Variants in ARMH3 observed in about 807,000 individuals in gnomAD.
The protein encoded by ARMH3 is armadillo-like helical domain-containing protein 3.
Under a neutral mutation model 99.1 loss-of-function variants are expected in ARMH3, and 60 were observed. The observed-to-expected ratio is 0.61, with a 90% CI of 0.49 to 0.75. The LOEUF is 0.75. Ranked by LOEUF, ARMH3 falls within the 30% of genes least tolerant of loss-of-function variation. ARMH3 has a pLI of 0.00. For missense variants in ARMH3, 679 were observed against 843.1 expected (o/e 0.81, Z 2.41); for synonymous variants, 285 against 292.8 (o/e 0.97, Z 0.27).
chr10:101,879,021 G>A (rs1053350166), intron 24 of ARMH3, among the ~76,000 whole-genome samples: 2 of 152,104 alleles, frequency 1.3e-5, no homozygotes, highest in South Asian at 2.1e-4. Context: ...GTCCCCAGAC[G>A]CCTCGTCAGT....
chr10:102,038,132 T>C, intron 2 of ARMH3, among the ~76,000 whole-genome samples: 1 of 145,824 alleles, frequency 6.9e-6, no homozygotes, highest in Admixed American at 7.0e-5. Flanking sequence ...TCTCGCTCTG[T>C]CGCCCAGGCT....
At chr10:101,901,841 A>G (rs1312213675) in intron 23 of ARMH3, among the ~76,000 whole-genome samples, 3 of 152,240 alleles carry the variant, frequency 2.0e-5, no homozygotes, top group Non-Finnish European at 4.4e-5. Flanking sequence ...CAAGCTGCCC[A>G]AAGTATTGAA....
chr10:101,992,749 C>A (rs566765502), intron 17 of ARMH3, among the ~76,000 whole-genome samples: 9 of 151,918 alleles, frequency 5.9e-5, no homozygotes, highest in Admixed American at 3.3e-4. Flanking sequence ...GCCTTGGCCT[C>A]CCAAAGTGTT....
chr10:101,944,232 T>C (rs532560160), intron 22 of ARMH3, among the ~76,000 whole-genome samples: 101 of 102,524 alleles, frequency 9.9e-4, no homozygotes, highest in Non-Finnish European at 1.6e-3. Context: ...GGCAGAAGGA[T>C]TGCTTGAGCC....
chr10:101,861,507 C>G (rs1015659560), intron 24 of ARMH3, among the ~76,000 whole-genome samples: 1 of 150,810 alleles, frequency 6.6e-6, no homozygotes, highest in African/African-American at 2.4e-5. Flanking sequence ...CTGAGGCGGA[C>G]GGATCACGAG....
intron 11 of ARMH3, among the ~76,000 whole-genome samples, chr10:102,010,847 A>C (rs773714682): frequency 6.6e-6 from 1 of 152,218 alleles, no homozygotes; most frequent in Non-Finnish European, 1.5e-5. Context: ...GACTTCACTC[A>C]TTTACATTTT....
chr10:102,032,028 G>A (rs550588618), intron 4 of ARMH3, among the ~76,000 whole-genome samples: 30 of 152,210 alleles, frequency 2.0e-4, no homozygotes, highest in Non-Finnish European at 3.4e-4. Context: ...ATGAGCCACC[G>A]CGCCCAGCCC....
At chr10:102,019,665 C>T (rs944393700) in intron 8 of ARMH3, among the ~76,000 whole-genome samples, 9 of 152,092 alleles carry the variant, frequency 5.9e-5, no homozygotes, top group African/African-American at 2.2e-4. Flanking sequence ...CGGTGGCTCA[C>T]GCCTGTAATC....
intron 24 of ARMH3, among the ~76,000 whole-genome samples, chr10:101,886,189 T>C (rs538739474): frequency 6.6e-6 from 1 of 151,464 alleles, no homozygotes; most frequent in Non-Finnish European, 1.5e-5. Flanking sequence ...ATATATACCA[T>C]AAAAATACAT....
intron 22 of ARMH3, among the ~76,000 whole-genome samples, chr10:101,947,065 G>A (rs1400857625): frequency 2.6e-5 from 4 of 151,966 alleles, no homozygotes; most frequent in Non-Finnish European, 4.4e-5. Flanking sequence ...GTGGGCACTT[G>A]TAATCCCAGC....
intron 24 of ARMH3, among the ~76,000 whole-genome samples, chr10:101,852,159 C>T (rs1016433281): frequency 1.3e-5 from 2 of 152,186 alleles, no homozygotes; most frequent in African/African-American, 2.4e-5. Context: ...CTTTCCTGAG[C>T]GGTGTCAAGT....
At chr10:102,009,160 AACTTTGC>A (rs2066575099) in intron 13 of ARMH3, among the ~76,000 whole-genome samples, 1 of 152,172 alleles carries the variant, frequency 6.6e-6, no homozygotes, top group Non-Finnish European at 1.5e-5. Context: ...CAAAAAAACT[AACTTTGC>A]ACGTTATTAG....
chr10:101,868,845 G>A (rs1187166051), intron 24 of ARMH3, among the ~76,000 whole-genome samples: 1 of 152,160 alleles, frequency 6.6e-6, no homozygotes, highest in South Asian at 2.1e-4. Context: ...GCCAAGGCAG[G>A]TGGATCACCT....
chr10:101,993,493 A>G (rs1392580026), intron 17 of ARMH3, 45 bp downstream of exon 17: 2 of 1,470,740 alleles, frequency 1.4e-6, no homozygotes, highest in Non-Finnish European at 1.9e-6. Flanking sequence ...CCGACATACA[A>G]AAAATTTCCT....
rs927399295 is a variant in ARMH3 at position 102,018,952 on chromosome 10, G to A, written c.669+4525C>T. 6.0e-5 allele frequency among the ~76,000 whole-genome samples: 9 copies of A among 150,972 alleles called. No homozygotes were observed. In the East Asian group the frequency reaches 7.8e-4, roughly 13 times the overall value. ...ATCCTGGGCAACGGAGTGAGACTCC[G>A]TCTCAAAAAAAAAAGTATAACACAT... On this transcript the variant is annotated intron_variant, in intron 8 of 25. Coordinates refer to ENST00000370033, the MANE Select transcript of ARMH3 (RefSeq NM_024541.3).
intron 24 of ARMH3, among the ~76,000 whole-genome samples, chr10:101,867,724 C>T (rs1341303519): frequency 6.6e-6 from 1 of 151,456 alleles, no homozygotes; most frequent in Non-Finnish European, 1.5e-5. Context: ...CCCAGCTACT[C>T]GGGAGGCTGA....
At chr10:101,878,702 C>T (rs1564713390) in intron 24 of ARMH3, among the ~76,000 whole-genome samples, 1 of 151,762 alleles carries the variant, frequency 6.6e-6, no homozygotes, top group Non-Finnish European at 1.5e-5. Context: ...TGGCTCATGC[C>T]TGTAATTCCA....
chr10:102,017,262 T>C (rs1356779462), intron 8 of ARMH3, among the ~76,000 whole-genome samples: 1 of 152,218 alleles, frequency 6.6e-6, no homozygotes. Context: ...TCCTTAATGG[T>C]TTCTGGTGAA....
At position 101,957,733 on chromosome 10, in the gene ARMH3, C is replaced by G. The variant is rs868802350; in HGVS notation, c.1496-1G>C. 7.2e-7 allele frequency: 1 copy of G among 1,397,816 alleles called. No individual in the cohort carries two copies. The highest frequency in any genetic ancestry group is 9.2e-7 in the Non-Finnish European group (1 of 1,087,354). The allele number at this position is 1,397,816 out of a possible 1,614,324, so 86.6% of individuals were successfully genotyped here. Reference sequence around the variant, plus strand: ...AGGAACTTCAGCAAATTTATCAAGGCTTTAAAAAAAAAAAAAAAGACATCA... The same window carrying G: ...AGGAACTTCAGCAAATTTATCAAGGGTTTAAAAAAAAAAAAAAAGACATCA... On this transcript the variant is annotated splice_acceptor_variant, in intron 20 of 25. Coordinates refer to ENST00000370033, the MANE Select transcript of ARMH3 (RefSeq NM_024541.3). LOFTEE classifies it high-confidence loss of function.
Sources: gnomAD v4.1 joint callset for allele counts (sites outside exome capture counted in the v4.1 genomes callset) on GRCh38, gnomAD v4.1.1 for gene constraint, MANE v1.5 for transcripts, NCBI Gene and HGNC (gene_info 2026-07-23, HGNC 2026-07-21) for gene names.